The following SLC16A4 variants were observed in gnomAD, a reference collection of about 807,000 sequenced individuals.
SLC16A4 encodes the protein solute carrier family 16 member 4.
A neutral mutation model predicts 47.9 loss-of-function variants in SLC16A4; 39 were observed. The ratio of observed to expected loss-of-function variants is 0.81; its 90% CI spans 0.63 to 1.06. The LOEUF is 1.06. Among genes scored for constraint, SLC16A4 ranks in the 50% least tolerant of loss-of-function variants. SLC16A4 has a pLI of 0.00. For missense variants in SLC16A4, 524 were observed against 573.8 expected, an observed-to-expected ratio of 0.91 and a Z score of 0.89; for synonymous variants, 189 against 199.9, an observed-to-expected ratio of 0.95 and a Z score of 0.46.
Position 110,363,881 on chromosome 1 carries a change from T to A in SLC16A4, c.1349A>T (p.Asp450Val). 1 of 1,608,600 alleles carries A rather than the reference T, an allele frequency of 6.2e-7. No homozygotes were observed. Residue 450 changes from aspartate (D) to valine (V), a missense_variant, in exon 9 of 9, where the codon GAT (aspartate) becomes GTT (valine). Asp to Val is a radical substitution (Grantham distance 152). Transcript: ENST00000369779. ...AGAGCCATTGTATGTCTGGGTATAA[T>A]CATATAACCAGCCTGGAAGGAAGGA... ...SGPPIAGWLY[D>V]YTQTYNGSFY... is the part of the protein sequence containing the mutation.
At chr1:110,381,335 A>C (rs1160966190) in intron 4 of SLC16A4, among the ~76,000 whole-genome samples, 192 bp from the exon 5 acceptor site, 1 of 146,552 alleles carries the variant, frequency 6.8e-6, no homozygotes, top group Admixed American at 6.8e-5. Context: ...ACACACACAT[A>C]TTTTGAGACA....
At chr1:110,386,182 G>C (rs1395627980) in intron 2 of SLC16A4, among the ~76,000 whole-genome samples, 1 of 152,166 alleles carries the variant, frequency 6.6e-6, no homozygotes, top group Non-Finnish European at 1.5e-5. Context: ...TGAATGGTTA[G>C]GACTTGTCTC....
rs1661163967 is a variant in SLC16A4 at position 110,363,029 on chromosome 1, T to C, written c.*737A>G. ...AAGATAAACTTTTGGAGGGAGCATA[T>C]ACCATTCCAGTCACTAAGTAAGGTT... On this transcript the variant is annotated 3_prime_UTR_variant, in exon 9 of 9. Transcript: ENST00000369779. 1.3e-5 allele frequency: 2 copies of C among 152,348 alleles called. No homozygotes were observed. Among genetic ancestry groups the C allele is most frequent in the South Asian group, 4.1e-4 (2 of 4,828 alleles). The allele number at this position is 152,348 out of a possible 1,614,324, so 9.4% of individuals were successfully genotyped here. A position where few individuals can be genotyped will look rare whatever the true frequency, so the allele number is the denominator to read the frequency against.
chr1:110,384,992 G>A (rs925828821), intron 2 of SLC16A4, among the ~76,000 whole-genome samples: 1 of 152,126 alleles, frequency 6.6e-6, no homozygotes, highest in African/African-American at 2.4e-5. Context: ...CAGCCTGGGC[G>A]ACAGTGAGAC....
chr1:110,376,861 T>G (rs1218000470), intron 7 of SLC16A4, 89 bp downstream of exon 7: 2 of 1,102,540 alleles, frequency 1.8e-6, no homozygotes, highest in Non-Finnish European at 2.6e-6. Context: ...AGTTACAAAA[T>G]TAATACAAAA....
At chr1:110,386,159 C>T (rs1249672325) in intron 2 of SLC16A4, among the ~76,000 whole-genome samples, 2 of 152,294 alleles carry the variant, frequency 1.3e-5, no homozygotes, top group East Asian at 1.9e-4. Flanking sequence ...TTGGTGTCTG[C>T]GTGTAGCAGC....
At position 110,363,625 on chromosome 1, in the gene SLC16A4, CAAAAAAA is replaced by C; in HGVS notation, c.*134_*140del. ...TGGGCGAAAGAGCGAGACTCCGTCTCAAAAAAAAAAAAAAAAAAATTGTTTTCCTTCT... is the reference window on the plus strand; with the variant it reads ...TGGGCGAAAGAGCGAGACTCCGTCTCAAAAAAAAAAAATTGTTTTCCTTCT... On this transcript the variant is annotated 3_prime_UTR_variant, in exon 9 of 9. Coordinates refer to ENST00000369779, the MANE Select transcript of SLC16A4 (RefSeq NM_004696.3). The C allele has an allele frequency of 2.1e-6, 1 of 484,556 alleles. No homozygotes were observed. Among genetic ancestry groups the C allele is most frequent in the Non-Finnish European group, 2.9e-6 (1 of 343,030 alleles). 30.0% of individuals were successfully genotyped at this position (484,556 alleles called of 1,614,324 possible). A position where few individuals can be genotyped will look rare whatever the true frequency, so the allele number is the denominator to read the frequency against.
At chr1:110,385,168 A>C (rs1662668249) in intron 2 of SLC16A4, among the ~76,000 whole-genome samples, 1 of 152,062 alleles carries the variant, frequency 6.6e-6, no homozygotes, top group South Asian at 2.1e-4. Flanking sequence ...CTGCATACTT[A>C]TGGTGGTGTA....
At chr1:110,381,336 T>C (rs567501185) in intron 4 of SLC16A4, among the ~76,000 whole-genome samples, 193 bp from the exon 5 acceptor site, 7 of 152,244 alleles carry the variant, frequency 4.6e-5, no homozygotes, top group African/African-American at 1.7e-4. Context: ...CACACACATA[T>C]TTTGAGACAG....
In SLC16A4 at chr1:110,366,128, A is replaced by ACACACACT. The variant is rs1358916877; in HGVS notation, c.1337-2236_1337-2235insAGTGTGTG. 3.6e-5 allele frequency among the ~76,000 whole-genome samples: 5 copies of ACACACACT among 139,828 alleles called. No individual in the cohort carries two copies. The East Asian group carries it at 8.0e-4, about 22-fold the overall frequency. 91.7% of individuals were successfully genotyped at this position (139,828 alleles called of 152,430 possible). A position where few individuals can be genotyped will look rare whatever the true frequency, so the allele number is the denominator to read the frequency against. ...CACACACACACACACACACACACAC[A>ACACACACT]CACACTCTTTCTCTCTCTCTCACTC... On this transcript the variant is annotated intron_variant, in intron 8 of 8. Transcript: ENST00000369779.
chr1:110,389,575 G>T (rs1212037557), intron 1 of SLC16A4, among the ~76,000 whole-genome samples: 2 of 152,126 alleles, frequency 1.3e-5, no homozygotes. Context: ...AAGATAAATT[G>T]TTCTACCAAA....
chr1:110,367,803 G>A (rs527686305), intron 8 of SLC16A4, among the ~76,000 whole-genome samples: 5 of 152,128 alleles, frequency 3.3e-5, no homozygotes, highest in African/African-American at 1.2e-4. Flanking sequence ...ATGCACTTCG[G>A]ACCCTAAACG....
At chr1:110,377,444 C>T (rs1396023846) in intron 6 of SLC16A4, among the ~76,000 whole-genome samples, 1 of 152,034 alleles carries the variant, frequency 6.6e-6, no homozygotes, top group African/African-American at 2.4e-5. Context: ...AGTGGTAATC[C>T]CTGGTTACAG....
At chr1:110,374,395 T>A (rs1304489391) in intron 8 of SLC16A4, among the ~76,000 whole-genome samples, 3 of 152,162 alleles carry the variant, frequency 2.0e-5, no homozygotes, top group Non-Finnish European at 4.4e-5. Flanking sequence ...CTTAATTTTT[T>A]AAAAAATGAT....
chr1:110,373,393 T>C (rs1163465776), intron 8 of SLC16A4, among the ~76,000 whole-genome samples: 5 of 152,174 alleles, frequency 3.3e-5, no homozygotes, highest in Non-Finnish European at 5.9e-5. Context: ...CTGTTTTCTG[T>C]ATTTCACTGT....
At chr1:110,375,156 A>G (rs1237872712) in intron 8 of SLC16A4, 2 of 231,922 alleles carry the variant, frequency 8.6e-6, no homozygotes, top group Non-Finnish European at 1.6e-5. Context: ...TTAAAGCATC[A>G]TGGGTCTTTG....
rs1403741832 is a variant in SLC16A4, at chr1:110,363,779, T to G, written c.1451A>C (p.Asn484Thr). 1 of 1,609,032 alleles carries G rather than the reference T, an allele frequency of 6.2e-7. No homozygotes were observed. The highest frequency in any genetic ancestry group is 1.3e-5 in the African/African-American group (1 of 74,518). Residue 484 changes from asparagine to threonine, a missense_variant, in exon 9 of 9, where the codon AAC (asparagine) becomes ACC (threonine). Asn to Thr is a moderately conservative substitution (Grantham distance 65). Transcript: ENST00000369779. ...GTCTTCTTTCTTTCAGGTCAGACTGTTTTTCCATCTTTCGGCCAATGGTAC... is the reference window on the plus strand; with the variant it reads ...GTCTTCTTTCTTTCAGGTCAGACTGGTTTTCCATCTTTCGGCCAATGGTAC... ...FFVPLAERWK[N>T]SLT
intron 5 of SLC16A4, 36 bp from the exon 6 acceptor site, chr1:110,379,392 T>C: frequency 6.4e-7 from 1 of 1,554,982 alleles, no homozygotes; most frequent in Non-Finnish European, 8.7e-7. Flanking sequence ...AAAAATAGCC[T>C]TTCAGTTCAC....
At chr1:110,386,733 C>G (rs891055848) in intron 2 of SLC16A4, among the ~76,000 whole-genome samples, 3 of 152,194 alleles carry the variant, frequency 2.0e-5, no homozygotes, top group African/African-American at 4.8e-5. Context: ...TATCCTGCGT[C>G]CTTTTCTAGT....
Sources: allele counts gnomAD v4.1 joint callset (sites outside exome capture counted in the v4.1 genomes callset), GRCh38; gene constraint gnomAD v4.1.1; transcripts MANE v1.5; gene names NCBI Gene and HGNC (gene_info 2026-07-23, HGNC 2026-07-21).